The following IL16 variants were observed in gnomAD, a reference collection of about 807,000 sequenced individuals.
IL16 encodes the protein interleukin 16, also known as pro-interleukin-16.
Under a neutral mutation model 110.1 loss-of-function variants are expected in IL16, and 67 were observed. The observed-to-expected ratio is 0.61, with a 90% CI of 0.50 to 0.75. IL16 has a LOEUF of 0.75. Among genes scored for constraint, IL16 ranks in the 30% least tolerant of loss-of-function variants. The pLI is 0.00. For missense variants in IL16, 1,545 were observed against 1,655.0 expected (o/e 0.93, Z 1.15); for synonymous variants, 689 against 662.9 (o/e 1.04, Z -0.61).
chr15:81,279,850 A>G (rs1899092635), intron 8 of IL16, 76 bp downstream of exon 8: 1 of 1,292,558 alleles, frequency 7.7e-7, no homozygotes, highest in East Asian at 2.4e-5. Flanking sequence ...CCTCACTTGG[A>G]ATCAGTCCAG....
Position 81,207,279 on chromosome 15 carries a change from A to G in IL16, c.-102+10127A>G, listed in dbSNP as rs1279707637. Among the ~76,000 whole-genome samples, 12 of 152,156 alleles carry G rather than the reference A, an allele frequency of 7.9e-5. No homozygotes were observed. In the South Asian group the frequency reaches 1.9e-3, roughly 24 times the overall value. ...AAAAAAAACAAAAAAAAGAAAAGAAAAAAGAAATTTACATCCAATATTTCA... is the reference window on the plus strand; with the variant it reads ...AAAAAAAACAAAAAAAAGAAAAGAAGAAAGAAATTTACATCCAATATTTCA... On this transcript the variant is annotated intron_variant, in intron 1 of 18. Coordinates refer to ENST00000683961, the MANE Select transcript of IL16 (RefSeq NM_172217.5).
intron 10 of IL16, among the ~76,000 whole-genome samples, chr15:81,289,546 T>C (rs1477506359): frequency 6.6e-6 from 1 of 152,240 alleles, no homozygotes; most frequent in Non-Finnish European, 1.5e-5. Flanking sequence ...TGAGCATTTT[T>C]TCATTTGCTT....
intron 2 of IL16, among the ~76,000 whole-genome samples, chr15:81,245,704 A>T: frequency 7.4e-6 from 1 of 135,660 alleles, no homozygotes. Context: ...TTGGCTAGAG[A>T]GATCAGACTT....
intron 2 of IL16, among the ~76,000 whole-genome samples, chr15:81,228,322 A>ATTTT (rs34038033): frequency 1.4e-5 from 2 of 140,446 alleles, no homozygotes; most frequent in African/African-American, 2.7e-5. Flanking sequence ...TGTACAACAC[A>ATTTT]TTTTTTTTTT....
At chr15:81,264,388 C>T (rs1000230567) in intron 3 of IL16, among the ~76,000 whole-genome samples, 1 of 152,330 alleles carries the variant, frequency 6.6e-6, no homozygotes, top group South Asian at 2.1e-4. Context: ...TTCCTTTCCT[C>T]ATCCCCTTTT....
rs191916083 is a variant in IL16, at chr15:81,280,721, C to G, written c.1081+947C>G. Among the ~76,000 whole-genome samples the G allele has an allele frequency of 3.3e-5, 5 of 152,328 alleles. No homozygotes were observed. The East Asian group carries it at 9.6e-4, about 29-fold the overall frequency. On this transcript the variant is annotated intron_variant, in intron 8 of 18. Transcript: ENST00000683961. ...GCTTTGCCTGATGTGTGTTTTAACT[C>G]TCCTGCTAGGTTGAAAGCTCCCTGA... is the stretch of plus-strand genomic sequence containing the variant.
chr15:81,303,015 ATGTGTGTGTGTG>A lies in IL16; in HGVS notation c.3319-516_3319-505del, dbSNP rs34522610. Among the ~76,000 whole-genome samples, 4 of 150,038 alleles carry A rather than the reference ATGTGTGTGTGTG, an allele frequency of 2.7e-5. No homozygotes were observed. The highest frequency in any genetic ancestry group is 4.4e-5 in the Non-Finnish European group (3 of 67,522). ...GTCTAGGCTAGGAAGTACCGTAGTA[ATGTGTGTGTGTG>A]TGTGTGTGTGTGTGTGTCACACTTG... On this transcript the variant is annotated intron_variant, in intron 15 of 18. Coordinates refer to ENST00000683961, the MANE Select transcript of IL16 (RefSeq NM_172217.5). This position sits in a 1 kb window ranked among gnomAD's most constrained non-coding sequence, Gnocchi z 4.1.
chr15:81,276,843 A>T (rs769891020), intron 6 of IL16, among the ~76,000 whole-genome samples: 5 of 152,238 alleles, frequency 3.3e-5, no homozygotes, highest in Non-Finnish European at 7.3e-5. Flanking sequence ...GTTTATAAAG[A>T]TTACATACTA....
chr15:81,197,048 G>A lies in IL16; in HGVS notation c.-206G>A, dbSNP rs1230628167. The stretch of plus-strand genomic sequence containing the variant: ...CTGACCCAGGCCTGGGCCACAGGCT[G>A]TCCGGGAATAAGTGGTGCTGCAATC... On this transcript the variant is annotated 5_prime_UTR_variant, in exon 1 of 19. Coordinates refer to ENST00000683961, the MANE Select transcript of IL16 (RefSeq NM_172217.5). 1 of 1,288,856 alleles carries A rather than the reference G, an allele frequency of 7.8e-7. No homozygotes were observed. The highest frequency in any genetic ancestry group is 1.0e-6 in the Non-Finnish European group (1 of 988,550). The allele number at this position is 1,288,856 out of a possible 1,614,324, so 79.8% of individuals were successfully genotyped here.
upstream of IL16, among the ~76,000 whole-genome samples, chr15:81,192,610 A>C (rs151057531): frequency 3.0e-3 from 456 of 152,240 alleles, 2 homozygotes; most frequent in African/African-American, 0.011. Context: ...GCTGTCTCAA[A>C]AACAAACAAA....
intron 8 of IL16, among the ~76,000 whole-genome samples, chr15:81,281,427 C>T (rs1039256170): frequency 2.6e-5 from 4 of 152,232 alleles, no homozygotes; most frequent in Non-Finnish European, 5.9e-5. Flanking sequence ...TCCAGCCCCA[C>T]GGCCCTAACA....
chr15:81,198,078 G>A (rs1358982439), intron 1 of IL16, among the ~76,000 whole-genome samples: 1 of 152,126 alleles, frequency 6.6e-6, no homozygotes, highest in African/African-American at 2.4e-5. Flanking sequence ...ACATTTACGA[G>A]CACAGTAGAA....
intron 10 of IL16, chr15:81,289,819 C>T (rs1225367999): frequency 1.8e-5 from 7 of 389,598 alleles, no homozygotes; most frequent in Admixed American, 3.4e-5. Flanking sequence ...TTTTTTGTTT[C>T]CTGTACTTTT....
At chr15:81,297,111 G>A (rs748561635) in intron 13 of IL16, 33 bp downstream of exon 13, 3 of 1,588,978 alleles carry the variant, frequency 1.9e-6, no homozygotes, top group Admixed American at 1.8e-5. Context: ...CAAAAGGAAG[G>A]GTCTTTTGAA....
At position 81,230,408 on chromosome 15, in the gene IL16, CCTTCTCCTTT is replaced by C. The variant is rs1160469868; in HGVS notation, c.312+4702_312+4711del. 9.8e-5 allele frequency among the ~76,000 whole-genome samples: 15 copies of C among 152,318 alleles called. No individual in the cohort carries two copies. The South Asian group carries it at 2.5e-3, about 25-fold the overall frequency. On this transcript the variant is annotated intron_variant, in intron 2 of 18. Coordinates refer to ENST00000683961, the MANE Select transcript of IL16 (RefSeq NM_172217.5). ...CTCTCCCTCTCCTCTTTCCTCTCTT[CCTTCTCCTTT>C]CTTCCTTATTTCTTTCTCTTTCTTC...
chr15:81,188,619 G>A (rs1895451294), intron 1 of IL16, among the ~76,000 whole-genome samples: 1 of 152,150 alleles, frequency 6.6e-6, no homozygotes, highest in African/African-American at 2.4e-5. Context: ...TGTGACTAGG[G>A]TGTGCACGTG....
At chr15:81,268,593 T>C (rs1898496091) in intron 4 of IL16, among the ~76,000 whole-genome samples, 1 of 152,264 alleles carries the variant, frequency 6.6e-6, no homozygotes, top group Non-Finnish European at 1.5e-5. Flanking sequence ...ATCTCCGATA[T>C]CAGAGAGCAG....
intron 1 of IL16, among the ~76,000 whole-genome samples, chr15:81,223,543 C>T (rs915070460): frequency 2.0e-5 from 3 of 152,182 alleles, no homozygotes; most frequent in Non-Finnish European, 2.9e-5. Flanking sequence ...TGAGTCCTAG[C>T]TGTGTGATCT....
intron 2 of IL16, among the ~76,000 whole-genome samples, chr15:81,239,582 A>G (rs1206999050): frequency 1.3e-5 from 2 of 152,200 alleles, no homozygotes; most frequent in African/African-American, 4.8e-5. Context: ...GATGAACTGG[A>G]CCACTTGCCA....
Sources: allele counts gnomAD v4.1 joint callset (sites outside exome capture counted in the v4.1 genomes callset), GRCh38; gene constraint gnomAD v4.1.1; non-coding constraint Gnocchi (gnomAD v3.1); transcripts MANE v1.5; gene names NCBI Gene and HGNC (gene_info 2026-07-23, HGNC 2026-07-21).